Variants in TCERG1L observed in about 807,000 individuals in gnomAD.
The protein encoded by TCERG1L is transcription elongation regulator 1 like, also known as transcription elongation regulator 1-like protein.
Under a neutral mutation model 56.3 loss-of-function variants are expected in TCERG1L, and 37 were observed. That is an observed-to-expected ratio of 0.66 (90% CI 0.51 to 0.87). TCERG1L has a LOEUF of 0.87. Among genes scored for constraint, TCERG1L ranks in the 40% least tolerant of loss-of-function variants. The pLI, the probability that TCERG1L is intolerant of heterozygous loss-of-function variation, is 0.00. For synonymous variants in TCERG1L, 324 were observed against 326.3 expected (o/e 0.99, Z 0.08); for missense variants, 799 against 774.2 (o/e 1.03, Z -0.38).
chr10:131,145,452 G>A (rs1413277951), intron 7 of TCERG1L, among the ~76,000 whole-genome samples: 1 of 152,166 alleles, frequency 6.6e-6, no homozygotes, highest in Non-Finnish European at 1.5e-5. Flanking sequence ...CCCAACATCA[G>A]TTGATCCAGT....
intron 9 of TCERG1L, among the ~76,000 whole-genome samples, chr10:131,109,967 C>G (rs1332870679): frequency 6.6e-6 from 1 of 152,240 alleles, no homozygotes; most frequent in African/African-American, 2.4e-5. Context: ...ATCGCCCAAG[C>G]ATCACTCTGC....
At chr10:131,165,277 G>T (rs927971805) in intron 5 of TCERG1L, among the ~76,000 whole-genome samples, 1 of 152,156 alleles carries the variant, frequency 6.6e-6, no homozygotes, top group Non-Finnish European at 1.5e-5. Flanking sequence ...GAAGCATCTC[G>T]CACAGTCTCC....
At chr10:131,172,587 C>A (rs1032466593) in intron 4 of TCERG1L, among the ~76,000 whole-genome samples, 9 of 152,254 alleles carry the variant, frequency 5.9e-5, no homozygotes, top group African/African-American at 2.2e-4. Context: ...CCATATCACG[C>A]GTGCTCCACG....
chr10:131,166,757 G>T (rs749847319), intron 5 of TCERG1L, 40 bp downstream of exon 5: 1 of 1,600,678 alleles, frequency 6.2e-7, no homozygotes, highest in Non-Finnish European at 8.6e-7. Flanking sequence ...CACACCCAGG[G>T]TTTTGTGTCT....
At chr10:131,186,024 C>A (rs184430316) in intron 4 of TCERG1L, among the ~76,000 whole-genome samples, 21 of 152,278 alleles carry the variant, frequency 1.4e-4, no homozygotes, top group African/African-American at 4.6e-4. Context: ...CATTATCTTG[C>A]GATGAAAGGG....
At chr10:131,125,937 A>G (rs1251551248) in intron 8 of TCERG1L, among the ~76,000 whole-genome samples, 1 of 152,198 alleles carries the variant, frequency 6.6e-6, no homozygotes. Context: ...TGGCCAGTGC[A>G]CACAGATGGG....
intron 10 of TCERG1L, among the ~76,000 whole-genome samples, chr10:131,102,475 A>C (rs1845313489): frequency 6.6e-6 from 1 of 152,170 alleles, no homozygotes. Context: ...GCATTTGCTT[A>C]AAGGGATTTT....
At chr10:131,095,882 T>A (rs2133376864) in intron 11 of TCERG1L, 1 of 152,372 alleles carries the variant, frequency 6.6e-6, no homozygotes, top group African/African-American at 2.4e-5. Context: ...TCATCTTTTT[T>A]AAATGGCTCA....
intron 4 of TCERG1L, among the ~76,000 whole-genome samples, chr10:131,171,394 C>T (rs1339343944): frequency 2.0e-5 from 3 of 151,934 alleles, no homozygotes; most frequent in Non-Finnish European, 2.9e-5. Flanking sequence ...AATCCAGGCC[C>T]GAGGCACCTG....
Position 131,276,288 on chromosome 10 carries a change from T to TTACATA in TCERG1L, c.671-15845_671-15844insTATGTA, listed in dbSNP as rs1846392698. Among the ~76,000 whole-genome samples the TTACATA allele has an allele frequency of 2.6e-5, 4 of 152,186 alleles. No individual in the cohort carries two copies. In the South Asian group the frequency reaches 8.3e-4, roughly 32 times the overall value. ...ACCCTTTGCCCTAGAATATATGTGT[T>TTACATA]TACATCACGAAAGCTACAGCAGGCA... On this transcript the variant is annotated intron_variant, in intron 3 of 11. Transcript: ENST00000368642.
intron 4 of TCERG1L, among the ~76,000 whole-genome samples, chr10:131,193,889 T>A (rs1233959097): frequency 2.6e-5 from 4 of 152,228 alleles, no homozygotes; most frequent in Non-Finnish European, 5.9e-5. Context: ...TGCTTATGAG[T>A]CTTGCTGGAA....
intron 3 of TCERG1L, among the ~76,000 whole-genome samples, chr10:131,303,518 G>A (rs373032841): frequency 2.0e-4 from 31 of 152,074 alleles, no homozygotes; most frequent in African/African-American, 4.3e-4. Flanking sequence ...TGTAGATTCC[G>A]GATATTAGCC....
At chr10:131,107,724 CAT>C (rs113135784) in intron 9 of TCERG1L, among the ~76,000 whole-genome samples, 13,014 of 152,148 alleles carry the variant, frequency 0.086, 593 homozygotes, top group Middle Eastern at 0.1. Context: ...CGATTGCACA[CAT>C]GTGTGTGACT....
intron 3 of TCERG1L, among the ~76,000 whole-genome samples, chr10:131,287,181 C>T (rs898803586): frequency 2.0e-5 from 3 of 152,090 alleles, no homozygotes; most frequent in South Asian, 2.1e-4. Flanking sequence ...GTATCAGAGA[C>T]GGGAAACTTC....
intron 7 of TCERG1L, among the ~76,000 whole-genome samples, chr10:131,137,792 G>A (rs186477565): frequency 5.3e-4 from 80 of 152,288 alleles, no homozygotes; most frequent in African/African-American, 1.9e-3. Flanking sequence ...ACAAAAATAT[G>A]TATAAATTTA....
In TCERG1L at chr10:131,093,131, A is replaced by G. The variant is rs1157747880; in HGVS notation, c.*31T>C. The G allele has an allele frequency of 5.0e-6, 8 of 1,604,790 alleles. No homozygotes were observed. The highest frequency in any genetic ancestry group is 1.1e-5 in the South Asian group (1 of 89,776). The stretch of plus-strand genomic sequence containing the variant: ...CTCGCCCCCGGCACGCCCAGGGTCA[A>G]CCCCCGGGCTTATTGCATTTTTTCA... On this transcript the variant is annotated 3_prime_UTR_variant, in exon 12 of 12. Coordinates refer to ENST00000368642, the MANE Select transcript of TCERG1L (RefSeq NM_174937.4).
At chr10:131,097,200 C>CAAAAAA (rs1161006867) in intron 11 of TCERG1L, among the ~76,000 whole-genome samples, 1 of 91,032 alleles carries the variant, frequency 1.1e-5, no homozygotes, top group African/African-American at 4.4e-5. Context: ...GGGTCTGTCT[C>CAAAAAA]AAAAAAAAAA....
At chr10:131,164,370 G>T (rs12570210) in intron 5 of TCERG1L, among the ~76,000 whole-genome samples, 11,774 of 152,126 alleles carry the variant, frequency 0.077, 561 homozygotes, top group East Asian at 0.19. Context: ...TTAGCCATAT[G>T]GATGTATGAC....
intron 4 of TCERG1L, among the ~76,000 whole-genome samples, chr10:131,208,656 T>C (rs1845576634): frequency 6.6e-6 from 1 of 152,218 alleles, no homozygotes; most frequent in South Asian, 2.1e-4. Flanking sequence ...GCTTCTAACC[T>C]GAAAACACAT....
Sources: allele counts gnomAD v4.1 joint callset (sites outside exome capture counted in the v4.1 genomes callset), GRCh38; gene constraint gnomAD v4.1.1; transcripts MANE v1.5; gene names NCBI Gene and HGNC (gene_info 2026-07-23, HGNC 2026-07-21).